The following RBBP4 variants were observed in gnomAD, a reference collection of about 807,000 sequenced individuals.
RBBP4 encodes the protein histone-binding protein RBBP4.
Under a neutral mutation model 57.2 loss-of-function variants are expected in RBBP4, and 3 were observed. The observed-to-expected ratio is 0.05, with a 90% CI of 0.02 to 0.14. The LOEUF (loss-of-function observed/expected upper bound fraction) is 0.14, where lower values mean the gene tolerates loss of function less well. Among genes scored for constraint, RBBP4 ranks in the 10% least tolerant of loss-of-function variants. The pLI is 1.00. For missense variants in RBBP4, 107 were observed against 520.6 expected (o/e 0.21, Z 7.73); for synonymous variants, 151 against 171.5 (o/e 0.88, Z 0.93).
chr1:32,651,333 CG>C lies in RBBP4; in HGVS notation c.16+15del. On this transcript the variant is annotated intron_variant, in intron 1 of 11. Transcript: ENST00000373493. Reference sequence around the variant, plus strand: ...TGGCCGACAAGGAAGGTGAGGGTGCCGGGGCCGACCCAGGAGGGCAGTGGGT... The same window carrying C: ...TGGCCGACAAGGAAGGTGAGGGTGCCGGGCCGACCCAGGAGGGCAGTGGGT... 3 of 1,454,916 alleles carry C rather than the reference CG, an allele frequency of 2.1e-6. No homozygotes were observed. Among genetic ancestry groups the C allele is most frequent in the Non-Finnish European group, 1.8e-6 (2 of 1,103,954 alleles). The allele number at this position is 1,454,916 out of a possible 1,614,324, so 90.1% of individuals were successfully genotyped here. A position where few individuals can be genotyped will look rare whatever the true frequency, so the allele number is the denominator to read the frequency against.
rs549939014 is a variant in RBBP4 at position 32,667,901 on chromosome 1, C to T, written c.311-324C>T. 5.9e-5 allele frequency among the ~76,000 whole-genome samples: 9 copies of T among 152,042 alleles called. No individual in the cohort carries two copies. The South Asian group carries it at 1.7e-3, about 28-fold the overall frequency. On this transcript the variant is annotated intron_variant, in intron 3 of 11. Transcript: ENST00000373493. ...TGTTATATAAATAGACTATATTGTT[C>T]GGGGATAATGATGAGGGGGAAATCT...
chr1:32,657,712 T>G (rs376530581), intron 3 of RBBP4, 140 bp downstream of exon 3: 2 of 956,826 alleles, frequency 2.1e-6, no homozygotes, highest in South Asian at 4.3e-5. Flanking sequence ...GTATTTATAT[T>G]TATATTAGAG....
In RBBP4 at chr1:32,681,345, AAGT is replaced by A. The variant is rs1570884248; in HGVS notation, c.*1643_*1645del. The A allele has an allele frequency of 1.3e-5, 2 of 156,880 alleles. No homozygotes were observed. Among genetic ancestry groups the A allele is most frequent in the African/African-American group, 4.8e-5 (2 of 41,670 alleles). 9.7% of individuals were successfully genotyped at this position (156,880 alleles called of 1,614,324 possible). ...ATGGGTCAGCATATCCTTGAACAAA[AAGT>A]AGACTTTGTAAAAGTATTCATTTAA... On this transcript the variant is annotated 3_prime_UTR_variant, in exon 12 of 12. Transcript: ENST00000373493.
intron 3 of RBBP4, among the ~76,000 whole-genome samples, chr1:32,663,388 G>C (rs1201576567): frequency 6.6e-6 from 1 of 152,022 alleles, no homozygotes; most frequent in Non-Finnish European, 1.5e-5. Flanking sequence ...ACTTCAGATT[G>C]GCCTTTTCGC....
Position 32,658,350 on chromosome 1 carries a change from A to G in RBBP4, c.310+778A>G, listed in dbSNP as rs1260024780. Among the ~76,000 whole-genome samples, 21 of 99,640 alleles carry G rather than the reference A, an allele frequency of 2.1e-4. No individual in the cohort carries two copies. In the East Asian group the frequency reaches 5.3e-3, roughly 25 times the overall value. The allele number at this position is 99,640 out of a possible 152,430, so 65.4% of individuals were successfully genotyped here. ...GAATAGTTCTTAAAAGAGTTCTTAG[A>G]GGAGCAATAGTAAAAAAAAAAAAAA... On this transcript the variant is annotated intron_variant, in intron 3 of 11. Transcript: ENST00000373493.
chr1:32,669,582 A>C lies in RBBP4; in HGVS notation c.966+19A>C. 1 of 1,585,710 alleles carries C rather than the reference A, an allele frequency of 6.3e-7. No individual in the cohort carries two copies. The highest frequency in any genetic ancestry group is 8.5e-7 in the Non-Finnish European group (1 of 1,171,536). ...ATTCCAGGTAAGAGAAACTAATGCT[A>C]CTATTTTGTTTGTTTTAAGAAAAAC... On this transcript the variant is annotated intron_variant, in intron 8 of 11. Coordinates refer to ENST00000373493, the MANE Select transcript of RBBP4 (RefSeq NM_005610.3). This position sits in a 1 kb window ranked among gnomAD's most constrained non-coding sequence, Gnocchi z 4.9.
At position 32,685,276 on chromosome 1, in the gene RBBP4, G is replaced by A. The variant is rs1649746108; in HGVS notation, c.*5571G>A. 6.6e-6 allele frequency: 1 copy of A among 152,172 alleles called. No individual in the cohort carries two copies. Among genetic ancestry groups the A allele is most frequent in the Admixed American group, 6.5e-5 (1 of 15,268 alleles). 9.4% of individuals were successfully genotyped at this position (152,172 alleles called of 1,614,324 possible). A position where few individuals can be genotyped will look rare whatever the true frequency, so the allele number is the denominator to read the frequency against. ...TCTCATTCTTCCAGAATCAGGCTGG[G>A]ATGCATTCTGTAAATTTTCCCTGCC... On this transcript the variant is annotated 3_prime_UTR_variant, in exon 12 of 12. Transcript: ENST00000373493.
intron 8 of RBBP4, among the ~76,000 whole-genome samples, chr1:32,671,581 T>C (rs1648876742): frequency 6.6e-6 from 1 of 151,648 alleles, no homozygotes. Context: ...AAAGATAAAA[T>C]GATGCTGGGC....
chr1:32,665,175 T>C (rs1304448310), intron 3 of RBBP4, among the ~76,000 whole-genome samples: 1 of 152,192 alleles, frequency 6.6e-6, no homozygotes, highest in African/African-American at 2.4e-5. Flanking sequence ...TGTTTTTTCA[T>C]AGATTGTAGA....
intron 3 of RBBP4, among the ~76,000 whole-genome samples, chr1:32,666,493 A>T (rs1648653133): frequency 6.6e-6 from 1 of 151,744 alleles, no homozygotes; most frequent in African/African-American, 2.4e-5. Flanking sequence ...GTAGCTGGGG[A>T]CTACAGGCGC....
At chr1:32,656,036 C>T (rs868049415) in intron 2 of RBBP4, among the ~76,000 whole-genome samples, 2 of 152,150 alleles carry the variant, frequency 1.3e-5, no homozygotes, top group Non-Finnish European at 2.9e-5. Flanking sequence ...TACAGAATGC[C>T]TTAAGACGGC....
intron 3 of RBBP4, chr1:32,657,786 T>C: frequency 4.4e-6 from 2 of 453,796 alleles, no homozygotes; most frequent in South Asian, 5.4e-5. Context: ...TAAACTTTTC[T>C]CAGCTGGTGC....
chr1:32,652,442 A>G lies in RBBP4; in HGVS notation c.164+381A>G, dbSNP rs1032701788. On this transcript the variant is annotated intron_variant, in intron 2 of 11. Transcript: ENST00000373493. The stretch of plus-strand genomic sequence containing the variant: ...CCAGGCAGGAGACTTACTTGAGGCC[A>G]GGAGTTGGAGACCAGCCCTGGGAAT... The G allele has an allele frequency of 2.1e-5, 4 of 186,204 alleles. No homozygotes were observed. The Admixed American group carries it at 2.2e-4, about 10-fold the overall frequency. The allele number at this position is 186,204 out of a possible 1,614,324, so 11.5% of individuals were successfully genotyped here.
Position 32,684,080 on chromosome 1 carries a change from T to G in RBBP4, c.*4375T>G, listed in dbSNP as rs1649639600. 2 of 1,612,982 alleles carry G rather than the reference T, an allele frequency of 1.2e-6. No individual in the cohort carries two copies. The highest frequency in any genetic ancestry group is 1.7e-6 in the Non-Finnish European group (2 of 1,180,010). ...CAGCCTGTTCCAGGCTCTTGGGTAGTAGCATAGCCCTTTAAAAAGAGAGAG... is the reference window on the plus strand; with the variant it reads ...CAGCCTGTTCCAGGCTCTTGGGTAGGAGCATAGCCCTTTAAAAAGAGAGAG... On this transcript the variant is annotated 3_prime_UTR_variant, in exon 12 of 12. Coordinates refer to ENST00000373493, the MANE Select transcript of RBBP4 (RefSeq NM_005610.3).
Position 32,682,052 on chromosome 1 carries a change from T to TTTTCTCTGCTAGGTTAACTTC in RBBP4, c.*2350_*2370dup. 1.7e-6 allele frequency: 1 copy of TTTTCTCTGCTAGGTTAACTTC among 574,866 alleles called. No individual in the cohort carries two copies. The allele number at this position is 574,866 out of a possible 1,614,324, so 35.6% of individuals were successfully genotyped here. A position where few individuals can be genotyped will look rare whatever the true frequency, so the allele number is the denominator to read the frequency against. Reference sequence around the variant, plus strand: ...TGGTGATGGGAGGGATAGTTAAACGTTTTCTCTGCTAGGTTAACTTCTTAC... The same window carrying TTTTCTCTGCTAGGTTAACTTC: ...TGGTGATGGGAGGGATAGTTAAACGTTTTCTCTGCTAGGTTAACTTCTTTCTCTGCTAGGTTAACTTCTTAC... On this transcript the variant is annotated 3_prime_UTR_variant, in exon 12 of 12. Transcript: ENST00000373493.
rs1455019498 is a variant in RBBP4, at chr1:32,679,823, A to G, written c.*118A>G. 6.8e-7 allele frequency: 1 copy of G among 1,467,016 alleles called. No individual in the cohort carries two copies. Among genetic ancestry groups the G allele is most frequent in the Admixed American group, 2.8e-5 (1 of 35,830 alleles). The allele number at this position is 1,467,016 out of a possible 1,614,324, so 90.9% of individuals were successfully genotyped here. Reference sequence around the variant, plus strand: ...GCTATCCCTCTATATAATAGGTACCACCGATAATGCTATTAGCCCAAACCG... The same window carrying G: ...GCTATCCCTCTATATAATAGGTACCGCCGATAATGCTATTAGCCCAAACCG... On this transcript the variant is annotated 3_prime_UTR_variant, in exon 12 of 12. Transcript: ENST00000373493.
chr1:32,651,618 C>G (rs1011398846), intron 1 of RBBP4: 1 of 847,362 alleles, frequency 1.2e-6, no homozygotes, highest in African/African-American at 1.7e-5. Context: ...CGCTTCCTAC[C>G]CACAAGGCTC....
At chr1:32,664,557 A>G (rs371864280) in intron 3 of RBBP4, among the ~76,000 whole-genome samples, 9 of 151,950 alleles carry the variant, frequency 5.9e-5, no homozygotes, top group African/African-American at 1.4e-4. Flanking sequence ...GGTTCAAGCA[A>G]TTCTCTTGCC....
chr1:32,674,460 G>C (rs1346863485), intron 11 of RBBP4, among the ~76,000 whole-genome samples: 1 of 152,046 alleles, frequency 6.6e-6, no homozygotes, highest in African/African-American at 2.4e-5. Flanking sequence ...TCTTGAACTT[G>C]TGAGCTCAAG....
Sources: gnomAD v4.1 joint callset for allele counts (sites outside exome capture counted in the v4.1 genomes callset) on GRCh38, gnomAD v4.1.1 for gene constraint, Gnocchi (gnomAD v3.1) non-coding constraint, MANE v1.5 for transcripts, NCBI Gene and HGNC (gene_info 2026-07-23, HGNC 2026-07-21) for gene names.